The following PDGFD variants were observed in gnomAD, a reference collection of about 807,000 sequenced individuals.
PDGFD encodes the protein platelet-derived growth factor D.
In PDGFD, 30 loss-of-function variants were observed where a neutral mutation model predicts 44.7. The observed-to-expected ratio is 0.67, with a 90% CI of 0.50 to 0.91. The LOEUF is 0.91. PDGFD is among the 40% of genes least tolerant of loss of function. The pLI is 0.00. For synonymous variants in PDGFD, 173 were observed against 168.4 expected, an observed-to-expected ratio of 1.03 and a Z score of -0.21; for missense variants, 445 against 457.8, an observed-to-expected ratio of 0.97 and a Z score of 0.25.
chr11:104,042,438 G>A (rs1301654511), intron 1 of PDGFD, among the ~76,000 whole-genome samples: 1 of 152,174 alleles, frequency 6.6e-6, no homozygotes. Flanking sequence ...TTAACAGGCT[G>A]TTGAGATGGG....
intron 3 of PDGFD, among the ~76,000 whole-genome samples, chr11:103,967,477 A>G (rs961384531): frequency 2.0e-5 from 3 of 152,154 alleles, no homozygotes; most frequent in Non-Finnish European, 4.4e-5. Context: ...ATCGTTGTGT[A>G]TCTCTCTTGC....
chr11:104,125,526 A>T (rs557813519), intron 1 of PDGFD, among the ~76,000 whole-genome samples: 2 of 152,258 alleles, frequency 1.3e-5, no homozygotes, highest in African/African-American at 4.8e-5. Flanking sequence ...AACGGTTCAT[A>T]TGAAAATTGT....
At chr11:104,015,373 G>A (rs1859845350) in intron 1 of PDGFD, among the ~76,000 whole-genome samples, 1 of 152,128 alleles carries the variant, frequency 6.6e-6, no homozygotes, top group Admixed American at 6.6e-5. Flanking sequence ...TTCTCAAGGG[G>A]TCTCAGGTGT....
chr11:104,077,951 T>C (rs1226588282), intron 1 of PDGFD, among the ~76,000 whole-genome samples: 1 of 152,170 alleles, frequency 6.6e-6, no homozygotes, highest in African/African-American at 2.4e-5. Context: ...GCGTGATCCA[T>C]GCTGCCCTAT....
chr11:104,134,097 A>G (rs1861965444), intron 1 of PDGFD, among the ~76,000 whole-genome samples: 1 of 151,756 alleles, frequency 6.6e-6, no homozygotes, highest in Non-Finnish European at 1.5e-5. Context: ...TATAAACTAT[A>G]TTTTTGAAAA....
At chr11:104,086,361 G>A (rs570164650) in intron 1 of PDGFD, among the ~76,000 whole-genome samples, 40 of 152,308 alleles carry the variant, frequency 2.6e-4, no homozygotes, top group African/African-American at 9.6e-4. Context: ...AAAGAAGAAA[G>A]TGTGTGCATT....
At chr11:103,915,290 T>C (rs1254731788) in intron 6 of PDGFD, among the ~76,000 whole-genome samples, 2 of 152,142 alleles carry the variant, frequency 1.3e-5, no homozygotes, top group East Asian at 3.8e-4. Flanking sequence ...ACAAGCATTC[T>C]TATACGCCAA....
chr11:104,126,444 G>A (rs1361040964), intron 1 of PDGFD, among the ~76,000 whole-genome samples: 2 of 152,132 alleles, frequency 1.3e-5, no homozygotes, highest in East Asian at 3.9e-4. Flanking sequence ...ACAAGGTGGG[G>A]AAGATATACA....
At chr11:104,100,290 C>T (rs1400187874) in intron 1 of PDGFD, among the ~76,000 whole-genome samples, 2 of 152,058 alleles carry the variant, frequency 1.3e-5, no homozygotes, top group East Asian at 1.9e-4. Context: ...ATATCACCAC[C>T]AATCCCACAG....
intron 1 of PDGFD, among the ~76,000 whole-genome samples, chr11:104,135,712 G>T (rs1861994567): frequency 6.6e-6 from 1 of 152,118 alleles, no homozygotes; most frequent in African/African-American, 2.4e-5. Context: ...TCATATGGGT[G>T]CCATTCACCA....
chr11:104,035,095 C>T (rs1860202884), intron 1 of PDGFD, among the ~76,000 whole-genome samples: 1 of 151,850 alleles, frequency 6.6e-6, no homozygotes, highest in Non-Finnish European at 1.5e-5. Flanking sequence ...GTGGCTGTGC[C>T]CAAATGTCAG....
chr11:104,030,975 T>G (rs1860115139), intron 1 of PDGFD, among the ~76,000 whole-genome samples: 1 of 152,202 alleles, frequency 6.6e-6, no homozygotes, highest in Non-Finnish European at 1.5e-5. Context: ...TATTACATCT[T>G]ATATGAAAAT....
chr11:103,989,194 T>A (rs1859414476), intron 3 of PDGFD, among the ~76,000 whole-genome samples: 1 of 152,192 alleles, frequency 6.6e-6, no homozygotes, highest in Non-Finnish European at 1.5e-5. Context: ...AGGAATACAA[T>A]TTGATTAACA....
chr11:104,121,067 A>C (rs75261353), intron 1 of PDGFD, among the ~76,000 whole-genome samples: 2,191 of 152,118 alleles, frequency 0.014, 32 homozygotes, highest in Middle Eastern at 0.037. Context: ...TTAATCCAAC[A>C]AAAGCAATTG....
At chr11:104,022,107 A>G (rs1249608213) in intron 1 of PDGFD, among the ~76,000 whole-genome samples, 1 of 152,224 alleles carries the variant, frequency 6.6e-6, no homozygotes, top group South Asian at 2.1e-4. Context: ...AAACTGGAAT[A>G]GAGTAGAAAT....
intron 3 of PDGFD, among the ~76,000 whole-genome samples, chr11:103,948,642 G>T (rs1040195286): frequency 3.3e-5 from 5 of 152,238 alleles, no homozygotes; most frequent in African/African-American, 1.2e-4. Context: ...TGTTTTGAGA[G>T]GATGCTGAGA....
At position 104,104,885 on chromosome 11, in the gene PDGFD, C is replaced by T. The variant is rs540083973; in HGVS notation, c.124+58919G>A. 2.7e-5 allele frequency among the ~76,000 whole-genome samples: 4 copies of T among 149,776 alleles called. No individual in the cohort carries two copies. In the East Asian group the frequency reaches 7.8e-4, roughly 29 times the overall value. The stretch of plus-strand genomic sequence containing the variant: ...AAACAGCTGTTTGTTACCTCAAACA[C>T]TGATACCATATGCAAATTTACATAT... On this transcript the variant is annotated intron_variant, in intron 1 of 6. Coordinates refer to ENST00000393158, the MANE Select transcript of PDGFD (RefSeq NM_025208.5).
chr11:104,144,358 T>C (rs769991308), intron 1 of PDGFD, among the ~76,000 whole-genome samples: 4 of 151,542 alleles, frequency 2.6e-5, no homozygotes, highest in Non-Finnish European at 4.4e-5. Context: ...ATACAAAAAT[T>C]AGCCAGGCAC....
chr11:104,027,764 A>C (rs77367760), intron 1 of PDGFD, among the ~76,000 whole-genome samples: 4,950 of 152,274 alleles, frequency 0.033, 286 homozygotes, highest in African/African-American at 0.11. Flanking sequence ...CATTGATTAA[A>C]TTTTGATAGT....
Sources: gnomAD v4.1 joint callset for allele counts (sites outside exome capture counted in the v4.1 genomes callset) on GRCh38, gnomAD v4.1.1 for gene constraint, MANE v1.5 for transcripts, NCBI Gene and HGNC (gene_info 2026-07-23, HGNC 2026-07-21) for gene names.